MTX2: variants seen among roughly 807,000 people sequenced by gnomAD.
The protein encoded by MTX2 is metaxin-2.
MTX2 carries 35 observed loss-of-function variants against 42.3 expected under a neutral mutation model. The observed-to-expected ratio is 0.83, with a 90% CI of 0.63 to 1.10. The LOEUF (loss-of-function observed/expected upper bound fraction) is 1.10, where lower values mean the gene tolerates loss of function less well. Among genes scored for constraint, MTX2 ranks in the 50% least tolerant of loss-of-function variants. The pLI, the probability that MTX2 is intolerant of heterozygous loss-of-function variation, is 0.00. For synonymous variants in MTX2, 119 were observed against 100.9 expected (o/e 1.18, Z -1.08); for missense variants, 307 against 304.1 (o/e 1.01, Z -0.07).
intron 9 of MTX2, among the ~76,000 whole-genome samples, chr2:176,335,746 A>C (rs1335689071): frequency 6.6e-6 from 1 of 152,086 alleles, no homozygotes; most frequent in African/African-American, 2.4e-5. Context: ...TTGGGGGACA[A>C]GCAGGTTTGG....
chr2:176,282,138 T>TTTTTTTTTTTTTTTG (rs755395092), intron 1 of MTX2, among the ~76,000 whole-genome samples: 5 of 139,346 alleles, frequency 3.6e-5, no homozygotes, highest in African/African-American at 1.1e-4. Context: ...TTTTTTTTTT[T>TTTTTTTTTTTTTTTG]TTTTTTTTTT....
At chr2:176,273,371 A>G (rs1041826395) in intron 1 of MTX2, among the ~76,000 whole-genome samples, 1 of 152,220 alleles carries the variant, frequency 6.6e-6, no homozygotes, top group African/African-American at 2.4e-5. Context: ...AACTATTCAC[A>G]GTGTTCTGTT....
chr2:176,294,435 C>T (rs1558930025), intron 1 of MTX2, among the ~76,000 whole-genome samples: 1 of 152,102 alleles, frequency 6.6e-6, no homozygotes, highest in Admixed American at 6.5e-5. Flanking sequence ...AGGCGCCAGC[C>T]ACCACGCCCG....
chr2:176,271,452 C>T (rs1692804052), intron 1 of MTX2, among the ~76,000 whole-genome samples: 1 of 152,006 alleles, frequency 6.6e-6, no homozygotes, highest in African/African-American at 2.4e-5. Context: ...CAAGTTAGTA[C>T]AAATAAGAAG....
chr2:176,321,727 T>C (rs1028321903), intron 3 of MTX2, among the ~76,000 whole-genome samples: 2 of 152,130 alleles, frequency 1.3e-5, no homozygotes, highest in African/African-American at 4.8e-5. Flanking sequence ...TCCAGAACTT[T>C]TAGTCCAGTT....
chr2:176,337,704 T>C lies in MTX2; in HGVS notation c.*40T>C, dbSNP rs932651224. On this transcript the variant is annotated 3_prime_UTR_variant, in exon 10 of 10. Coordinates refer to ENST00000249442, the MANE Select transcript of MTX2 (RefSeq NM_006554.5). ...CTCAGGAGTCTTAACTTTTGAAATA[T>C]GTTTTACTTGAATGTTACATTAGAT... 7.5e-6 allele frequency: 11 copies of C among 1,473,470 alleles called. No homozygotes were observed. In the African/African-American group the frequency reaches 1.3e-4, roughly 17 times the overall value. The allele number at this position is 1,473,470 out of a possible 1,614,324, so 91.3% of individuals were successfully genotyped here.
chr2:176,315,821 T>G (rs970983475), intron 3 of MTX2, among the ~76,000 whole-genome samples: 4 of 152,190 alleles, frequency 2.6e-5, no homozygotes, highest in African/African-American at 9.7e-5. Flanking sequence ...TGTTCTCCCC[T>G]TAGATATCTG....
intron 1 of MTX2, among the ~76,000 whole-genome samples, chr2:176,295,621 TG>T (rs1355084118): frequency 1.3e-5 from 2 of 152,196 alleles, no homozygotes; most frequent in African/African-American, 4.8e-5. Flanking sequence ...AGTTTAATTT[TG>T]TGTAGCCCAA....
In MTX2 at chr2:176,328,359, G is replaced by A. The variant is rs78943740; in HGVS notation, c.352G>A (p.Val118Ile). ...AGAAATGAAAGCTTACATGGAATTA[G>A]TCAACAATATGCTGTTGACTGCAGA... is the stretch of plus-strand genomic sequence containing the variant. ...KAEMKAYMEL[V>I]NNMLLTAELY... is the part of the protein sequence containing the mutation. Residue 118 changes from valine to isoleucine, a missense_variant, in exon 6 of 10, where the codon GTC becomes ATC. By Grantham distance (29) the Val-to-Ile change is conservative. Coordinates refer to ENST00000249442, the MANE Select transcript of MTX2 (RefSeq NM_006554.5). 2.9e-3 allele frequency: 4,666 copies of A among 1,586,868 alleles called. 70 individuals carry two copies. In the East Asian group the frequency reaches 0.04, roughly 14 times the overall value.
chr2:176,327,018 C>A, intron 5 of MTX2, 117 bp downstream of exon 5: 1 of 540,712 alleles, frequency 1.8e-6, no homozygotes, highest in Non-Finnish European at 3.1e-6. Flanking sequence ...ATGCAAACTA[C>A]TGGAAAATAT....
At chr2:176,308,731 G>A (rs1285780173) in intron 3 of MTX2, among the ~76,000 whole-genome samples, 2 of 152,012 alleles carry the variant, frequency 1.3e-5, no homozygotes, top group African/African-American at 4.8e-5. Context: ...TGGGATCGTT[G>A]GTGATATCCC....
At chr2:176,323,201 A>G (rs1265348743) in intron 3 of MTX2, among the ~76,000 whole-genome samples, 191 bp from the exon 4 acceptor site, 2 of 151,930 alleles carry the variant, frequency 1.3e-5, no homozygotes, top group Non-Finnish European at 2.9e-5. Flanking sequence ...TGTCTAAATC[A>G]TACTGATTTT....
In MTX2 at chr2:176,298,219, A is replaced by T. The variant is rs1040719776; in HGVS notation, c.135+324A>T. ...ATGATGGTGTTGATTATTTGGGGTG[A>T]TATGTTCATTTGTGGACTCACAATT... On this transcript the variant is annotated intron_variant, in intron 3 of 9. Transcript: ENST00000249442. Among the ~76,000 whole-genome samples, 7 of 151,722 alleles carry T rather than the reference A, an allele frequency of 4.6e-5. No homozygotes were observed. The South Asian group carries it at 1.5e-3, about 31-fold the overall frequency.
intron 1 of MTX2, among the ~76,000 whole-genome samples, chr2:176,293,490 G>A (rs1214961456): frequency 6.6e-6 from 1 of 152,102 alleles, no homozygotes; most frequent in African/African-American, 2.4e-5. Flanking sequence ...TCATGGGGGT[G>A]GATCCCTCAT....
At chr2:176,334,062 C>T (rs16863692) in intron 9 of MTX2, among the ~76,000 whole-genome samples, 1,943 of 151,856 alleles carry the variant, frequency 0.013, 43 homozygotes, top group African/African-American at 0.044. Context: ...CACAAAGTTG[C>T]TGTCTTTATG....
At chr2:176,315,121 G>A (rs1684406138) in intron 3 of MTX2, among the ~76,000 whole-genome samples, 1 of 152,126 alleles carries the variant, frequency 6.6e-6, no homozygotes, top group Non-Finnish European at 1.5e-5. Context: ...CAAAGCACAT[G>A]GCCGTACTCT....
At chr2:176,287,141 T>G (rs560621088) in intron 1 of MTX2, among the ~76,000 whole-genome samples, 1 of 152,216 alleles carries the variant, frequency 6.6e-6, no homozygotes, top group Non-Finnish European at 1.5e-5. Context: ...CATAAGGAGA[T>G]AGGCCACATG....
chr2:176,312,059 GT>G (rs1243696219), intron 3 of MTX2, among the ~76,000 whole-genome samples: 1 of 152,152 alleles, frequency 6.6e-6, no homozygotes, highest in Non-Finnish European at 1.5e-5. Flanking sequence ...ATTATTAATA[GT>G]TTTTAAGTTG....
Position 176,269,643 on chromosome 2 carries a change from C to T in MTX2, c.14C>T (p.Ala5Val), listed in dbSNP as rs1692746092. The T allele has an allele frequency of 1.9e-6, 3 of 1,596,794 alleles. No homozygotes were observed. The highest frequency in any genetic ancestry group is 3.6e-4 in the Middle Eastern group (2 of 5,494). ...CTCCCAGCCGACATGTCTCTAGTGGCGGAAGCCTTCGTCTCCCAGATTGCA... is the reference window on the plus strand; with the variant it reads ...CTCCCAGCCGACATGTCTCTAGTGGTGGAAGCCTTCGTCTCCCAGATTGCA... MSLV[A>V]EAFVSQIAAA... Residue 5 changes from alanine (A) to valine (V), a missense_variant, in exon 1 of 10, where the codon GCG becomes GTG. Physicochemically the swap from Ala to Val is moderately conservative, Grantham distance 64. Transcript: ENST00000249442.
Sources: allele counts gnomAD v4.1 joint callset (sites outside exome capture counted in the v4.1 genomes callset), GRCh38; gene constraint gnomAD v4.1.1; transcripts MANE v1.5; gene names NCBI Gene and HGNC (gene_info 2026-07-23, HGNC 2026-07-21).